The following TRAPPC9 variants were observed in gnomAD, a reference collection of about 807,000 sequenced individuals.
TRAPPC9 encodes the protein IKK2 binding protein.
In TRAPPC9, 83 loss-of-function variants were observed where a neutral mutation model predicts 124.0. The observed-to-expected ratio is 0.67, with a 90% CI of 0.56 to 0.80. The LOEUF (loss-of-function observed/expected upper bound fraction) is 0.80. Ranked by LOEUF, TRAPPC9 falls within the 30% of genes least tolerant of loss-of-function variation. TRAPPC9 has a pLI of 0.00. For synonymous variants in TRAPPC9, 638 were observed against 617.5 expected, an observed-to-expected ratio of 1.03 and a Z score of -0.49; for missense variants, 1,302 against 1,508.3, an observed-to-expected ratio of 0.86 and a Z score of 2.27.
intron 21 of TRAPPC9, among the ~76,000 whole-genome samples, chr8:139,816,694 C>T (rs1183406712): frequency 6.6e-6 from 1 of 152,066 alleles, no homozygotes; most frequent in Admixed American, 6.6e-5. Flanking sequence ...TTCATTTTTA[C>T]ATAATATTCA....
intron 3 of TRAPPC9, among the ~76,000 whole-genome samples, chr8:140,436,260 C>T (rs1166005011): frequency 3.3e-5 from 5 of 152,172 alleles, no homozygotes; most frequent in South Asian, 2.1e-4. Context: ...GCAAGAGAAT[C>T]GCTTGAACCT....
chr8:139,957,234 G>A (rs59638288), intron 19 of TRAPPC9, among the ~76,000 whole-genome samples: 2 of 152,242 alleles, frequency 1.3e-5, no homozygotes, highest in Non-Finnish European at 2.9e-5. Flanking sequence ...ACCTGGGAGG[G>A]TGCCATGAGC....
chr8:140,043,782 C>T (rs987282421), intron 17 of TRAPPC9, among the ~76,000 whole-genome samples: 1 of 152,208 alleles, frequency 6.6e-6, no homozygotes, highest in Non-Finnish European at 1.5e-5. Context: ...TTCAGAACCA[C>T]TGCAATGGAA....
intron 21 of TRAPPC9, among the ~76,000 whole-genome samples, chr8:139,838,470 T>TG (rs1826504194): frequency 6.6e-6 from 1 of 152,222 alleles, no homozygotes; most frequent in African/African-American, 2.4e-5. Flanking sequence ...GCACCAGGAC[T>TG]GAGCGGGGAG....
At position 140,451,076 on chromosome 8, in the gene TRAPPC9, G is replaced by A. The variant is rs2071440992; in HGVS notation, c.298C>T (p.His100Tyr). 1.9e-6 allele frequency: 3 copies of A among 1,613,886 alleles called. No homozygotes were observed. The highest frequency in any genetic ancestry group is 2.5e-6 in the Non-Finnish European group (3 of 1,180,004). Reference protein sequence around the residue: ...KDWPQTFEKFHVQKEIYGSTL... With the variant: ...KDWPQTFEKFYVQKEIYGSTL... Reference sequence around the variant, plus strand: ...GAGCCGTAGATCTCCTTCTGCACGTGGAACTTCTCAAAGGTCTGTGGCCAG... The same window carrying A: ...GAGCCGTAGATCTCCTTCTGCACGTAGAACTTCTCAAAGGTCTGTGGCCAG... The change falls in exon 2 of 23, where the codon CAC becomes TAC. Residue 100 changes from histidine to tyrosine, a missense_variant. Physicochemically the swap from His to Tyr is moderately conservative, Grantham distance 83. Transcript: ENST00000438773.
intron 7 of TRAPPC9, among the ~76,000 whole-genome samples, chr8:140,373,886 G>A (rs1329921630): frequency 2.6e-5 from 4 of 152,140 alleles, no homozygotes; most frequent in African/African-American, 9.7e-5. Flanking sequence ...TTTTATTACT[G>A]AGTCGTACGA....
chr8:140,356,342 C>T (rs964272258), intron 9 of TRAPPC9, among the ~76,000 whole-genome samples: 7 of 152,184 alleles, frequency 4.6e-5, no homozygotes, highest in Non-Finnish European at 8.8e-5. Context: ...CTTCTCAGTG[C>T]CGTCATCAAA....
chr8:139,989,371 G>C (rs115306419), intron 18 of TRAPPC9, among the ~76,000 whole-genome samples: 1 of 152,220 alleles, frequency 6.6e-6, no homozygotes, highest in Non-Finnish European at 1.5e-5. Context: ...AACTGGGGCA[G>C]ACACTGCGGG....
intron 9 of TRAPPC9, among the ~76,000 whole-genome samples, chr8:140,352,106 G>C (rs1401087690): frequency 6.6e-6 from 1 of 151,884 alleles, no homozygotes; most frequent in African/African-American, 2.4e-5. Context: ...AAATAATTGA[G>C]ATCATAAAAC....
At chr8:139,922,574 G>C (rs972581312) in intron 19 of TRAPPC9, among the ~76,000 whole-genome samples, 3 of 152,238 alleles carry the variant, frequency 2.0e-5, no homozygotes, top group African/African-American at 7.2e-5. Context: ...GGACACACAG[G>C]ACATGTCATT....
chr8:139,799,873 A>C (rs912484772), intron 21 of TRAPPC9, among the ~76,000 whole-genome samples: 2 of 152,170 alleles, frequency 1.3e-5, no homozygotes, highest in Non-Finnish European at 2.9e-5. Context: ...ATACAACAGA[A>C]CTGCTGTCCT....
intron 15 of TRAPPC9, among the ~76,000 whole-genome samples, chr8:140,270,469 T>C (rs75507739): frequency 0.011 from 1,730 of 152,322 alleles, 34 homozygotes; most frequent in African/African-American, 0.04. Context: ...GCACCTGCTA[T>C]GTGCCAGGCC....
At chr8:140,395,299 T>A (rs2069056837) in intron 7 of TRAPPC9, among the ~76,000 whole-genome samples, 1 of 152,192 alleles carries the variant, frequency 6.6e-6, no homozygotes. Context: ...ACACTGACAC[T>A]TGCCACTTTG....
chr8:139,751,613 A>G (rs932276692), intron 21 of TRAPPC9, among the ~76,000 whole-genome samples: 3 of 151,978 alleles, frequency 2.0e-5, no homozygotes, highest in African/African-American at 7.3e-5. Context: ...CCATGCCCCA[A>G]CCCTAGAACA....
In TRAPPC9 at chr8:140,257,492, A is replaced by T. The variant is rs929821073; in HGVS notation, c.2279-4563T>A. 6.6e-6 allele frequency among the ~76,000 whole-genome samples: 1 copy of T among 151,876 alleles called. No individual in the cohort carries two copies. Among genetic ancestry groups the T allele is most frequent in the Non-Finnish European group, 1.5e-5 (1 of 67,954 alleles). On this transcript the variant is annotated intron_variant, in intron 15 of 22. Transcript: ENST00000438773. This position sits in a 1 kb window ranked among gnomAD's most constrained non-coding sequence, Gnocchi z 4.6. The stretch of plus-strand genomic sequence containing the variant: ...AAGAAGCCTCCCCAGACAGGAGCCC[A>T]GGAGTGGGAAAAAGGACCCCGTGCC...
At position 139,730,817 on chromosome 8, in the gene TRAPPC9, G is replaced by A; in HGVS notation, c.*244C>T. 3.6e-6 allele frequency: 2 copies of A among 559,408 alleles called. No individual in the cohort carries two copies. The highest frequency in any genetic ancestry group is 6.4e-6 in the Non-Finnish European group (2 of 312,498). The allele number at this position is 559,408 out of a possible 1,614,324, so 34.7% of individuals were successfully genotyped here. On this transcript the variant is annotated 3_prime_UTR_variant, in exon 23 of 23. Coordinates refer to ENST00000438773, the MANE Select transcript of TRAPPC9 (RefSeq NM_001160372.4). ...CCGCTTTGGGATTTCCTCTGCTTCA[G>A]CCTGTGTATGGTCCAGGGAACAGTG...
At chr8:140,396,004 C>T (rs2132375782) in intron 7 of TRAPPC9, among the ~76,000 whole-genome samples, 1 of 152,308 alleles carries the variant, frequency 6.6e-6, no homozygotes, top group East Asian at 1.9e-4. Flanking sequence ...CTGCCAACAG[C>T]CCCAGTCCTT....
chr8:140,439,294 G>A, intron 2 of TRAPPC9, 97 bp from the exon 3 acceptor site: 1 of 1,352,774 alleles, frequency 7.4e-7, no homozygotes, highest in South Asian at 1.2e-5. Context: ...TACTAAAAAT[G>A]CTAAGAAGGC....
At chr8:140,135,836 G>C (rs1046847369) in intron 17 of TRAPPC9, among the ~76,000 whole-genome samples, 1 of 152,202 alleles carries the variant, frequency 6.6e-6, no homozygotes, top group African/African-American at 2.4e-5. Flanking sequence ...GGTAGCAGTC[G>C]CTGTGCTCTG....
Sources: gnomAD v4.1 joint callset for allele counts (sites outside exome capture counted in the v4.1 genomes callset) on GRCh38, gnomAD v4.1.1 for gene constraint, Gnocchi (gnomAD v3.1) non-coding constraint, MANE v1.5 for transcripts, NCBI Gene and HGNC (gene_info 2026-07-23, HGNC 2026-07-21) for gene names.